Variants in LRP1B observed in about 807,000 individuals in gnomAD.
The protein encoded by LRP1B is low-density lipoprotein receptor-related protein 1B.
LRP1B carries 217 observed loss-of-function variants against 556.6 expected under a neutral mutation model. That is an observed-to-expected ratio of 0.39 (90% CI 0.35 to 0.44). The LOEUF (loss-of-function observed/expected upper bound fraction) is 0.44, where lower values mean the gene tolerates loss of function less well. Among genes scored for constraint, LRP1B ranks in the 20% least tolerant of loss-of-function variants. The probability of loss-of-function intolerance (pLI) is 1.00; values close to 1 mark genes in which losing one functional copy is unlikely to be tolerated. For missense variants in LRP1B, 5,053 were observed against 5,620.8 expected (o/e 0.90, Z 3.23); for synonymous variants, 2,047 against 1,865.8 (o/e 1.10, Z -2.50).
chr2:141,449,104 A>G (rs1321320534), intron 3 of LRP1B, among the ~76,000 whole-genome samples: 1 of 152,196 alleles, frequency 6.6e-6, no homozygotes, highest in Non-Finnish European at 1.5e-5. Context: ...CTTAACTGCC[A>G]TTACCTTTTT....
At chr2:141,184,183 CTT>C (rs1681133943) in intron 7 of LRP1B, among the ~76,000 whole-genome samples, 1 of 152,054 alleles carries the variant, frequency 6.6e-6, no homozygotes, top group Non-Finnish European at 1.5e-5. Flanking sequence ...ATTCTTTACT[CTT>C]GTCTTTTGAA....
chr2:141,544,308 T>TTCTTCTTCTTCTTCTTCTTCTTCTTC (rs1685397671), intron 2 of LRP1B, among the ~76,000 whole-genome samples: 1 of 9,710 alleles, frequency 1.0e-4, no homozygotes, highest in East Asian at 7.6e-3. Context: ...CTTCTTCTTC[T>TTCTTCTTCTTCTTCTTCTTCTTCTTC]TCTTCTTCTT....
chr2:140,390,243 A>G (rs182117500), intron 66 of LRP1B, among the ~76,000 whole-genome samples: 1 of 152,316 alleles, frequency 6.6e-6, no homozygotes, highest in East Asian at 1.9e-4. Flanking sequence ...TGTAAGACTT[A>G]CTGTAAAGCT....
intron 7 of LRP1B, among the ~76,000 whole-genome samples, chr2:141,083,422 G>A (rs973056396): frequency 6.6e-6 from 1 of 151,412 alleles, no homozygotes; most frequent in Admixed American, 6.6e-5. Context: ...TCAGTGAATA[G>A]CACAGTACTA....
intron 1 of LRP1B, among the ~76,000 whole-genome samples, chr2:141,975,639 A>C (rs1045481210): frequency 3.9e-5 from 6 of 152,084 alleles, no homozygotes; most frequent in African/African-American, 1.4e-4. Context: ...TAGGTGGCTG[A>C]ATTTGTCTTT....
chr2:141,291,537 T>C (rs1471865890), intron 3 of LRP1B, among the ~76,000 whole-genome samples: 2 of 152,062 alleles, frequency 1.3e-5, no homozygotes, highest in East Asian at 3.9e-4. Context: ...GAAGATACCA[T>C]CTATTATGCC....
chr2:141,493,863 G>A (rs1437397628), intron 2 of LRP1B, among the ~76,000 whole-genome samples: 1 of 152,162 alleles, frequency 6.6e-6, no homozygotes, highest in Non-Finnish European at 1.5e-5. Context: ...TTGCCTTGAT[G>A]ACAGAATACT....
chr2:140,233,609 G>T (rs1680567565), intron 90 of LRP1B, among the ~76,000 whole-genome samples: 1 of 151,138 alleles, frequency 6.6e-6, no homozygotes, highest in Non-Finnish European at 1.5e-5. Context: ...CTTTGTAAAA[G>T]CTATGTTCAC....
At chr2:141,531,672 A>G (rs1166606569) in intron 2 of LRP1B, among the ~76,000 whole-genome samples, 1 of 152,174 alleles carries the variant, frequency 6.6e-6, no homozygotes, top group African/African-American at 2.4e-5. Flanking sequence ...GTTTTGCAAA[A>G]CAAACTCATC....
chr2:140,901,946 T>C (rs1006589420), intron 23 of LRP1B, among the ~76,000 whole-genome samples: 5 of 152,128 alleles, frequency 3.3e-5, no homozygotes, highest in Non-Finnish European at 7.3e-5. Context: ...GATCCCATTA[T>C]TGAATTAGTA....
intron 25 of LRP1B, among the ~76,000 whole-genome samples, chr2:140,870,082 C>T (rs963037767): frequency 6.6e-5 from 10 of 152,046 alleles, no homozygotes; most frequent in Non-Finnish European, 1.0e-4. Flanking sequence ...AGAAATGCAA[C>T]TGTCTGAAAA....
chr2:141,973,396 A>T (rs1192731931), intron 1 of LRP1B, among the ~76,000 whole-genome samples: 5 of 151,744 alleles, frequency 3.3e-5, no homozygotes, highest in Admixed American at 3.3e-4. Flanking sequence ...TTAGGATTTG[A>T]TTTTTGTCCA....
chr2:141,955,168 C>G (rs1245180497), intron 1 of LRP1B, among the ~76,000 whole-genome samples: 2 of 152,224 alleles, frequency 1.3e-5, no homozygotes, highest in East Asian at 3.9e-4. Flanking sequence ...TCAGGCAAAG[C>G]ACTAATAATG....
intron 2 of LRP1B, among the ~76,000 whole-genome samples, chr2:141,679,719 T>G (rs978980867): frequency 4.6e-5 from 7 of 152,028 alleles, no homozygotes; most frequent in Non-Finnish European, 1.0e-4. Context: ...ATAAATAAAT[T>G]TTGATATATT....
intron 2 of LRP1B, among the ~76,000 whole-genome samples, chr2:141,583,906 A>ATTTTTTTTTTTTTTTTTTT (rs113916906): frequency 2.1e-5 from 3 of 145,482 alleles, no homozygotes; most frequent in African/African-American, 7.6e-5. Context: ...TGCCCGGCTA[A>ATTTTTTTTTTTTTTTTTTT]TTTTTTTTTT....
chr2:140,513,161 A>T (rs1477788178), intron 51 of LRP1B, among the ~76,000 whole-genome samples: 1 of 152,122 alleles, frequency 6.6e-6, no homozygotes, highest in Non-Finnish European at 1.5e-5. Context: ...CAGGTATATA[A>T]GTACAAATCT....
chr2:141,088,862 A>G (rs779952018), intron 7 of LRP1B, among the ~76,000 whole-genome samples: 1 of 152,220 alleles, frequency 6.6e-6, no homozygotes, highest in African/African-American at 2.4e-5. Context: ...AACTTATGCT[A>G]GAAGATAACA....
At chr2:140,281,791 C>A (rs1302728209) in intron 84 of LRP1B, among the ~76,000 whole-genome samples, 1 of 151,712 alleles carries the variant, frequency 6.6e-6, no homozygotes, top group African/African-American at 2.4e-5. Context: ...GAGCCAGTTT[C>A]CGTGCAATTT....
intron 2 of LRP1B, 111 bp downstream of exon 2, chr2:141,810,144 AGAAAGAAAGAAAGAAAGAAAGAAG>A (rs879562238): frequency 0.078 from 39,696 of 509,452 alleles, 1,779 homozygotes; most frequent in South Asian, 0.12. Flanking sequence ...AAAGAAAGAA[AGAAAGAAAGAAAGAAAGAAAGAAG>A]GAAAGAAAGA....
Sources: gnomAD v4.1 joint callset for allele counts (sites outside exome capture counted in the v4.1 genomes callset) on GRCh38, gnomAD v4.1.1 for gene constraint, MANE v1.5 for transcripts, NCBI Gene and HGNC (gene_info 2026-07-23, HGNC 2026-07-21) for gene names.